TUSC3: variants seen among roughly 807,000 people sequenced by gnomAD.
TUSC3 encodes the protein tumor suppressor candidate 3, also known as dolichyl-diphosphooligosaccharide--protein glycosyltransferase subunit TUSC3.
Under a neutral mutation model 44.8 loss-of-function variants are expected in TUSC3, and 45 were observed. That is an observed-to-expected ratio of 1.00 (90% CI 0.79 to 1.29). The LOEUF (loss-of-function observed/expected upper bound fraction) is 1.29. TUSC3 is among the 50% of genes most tolerant of loss of function. The probability of loss-of-function intolerance (pLI) is 0.00; values close to 1 mark genes in which losing one functional copy is unlikely to be tolerated. For synonymous variants in TUSC3, 212 were observed against 152.9 expected (o/e 1.39, Z -2.85); for missense variants, 519 against 437.9 (o/e 1.19, Z -1.65).
chr8:15,829,806 T>G, the TUSC3 span, among the ~76,000 whole-genome samples: 1 of 152,162 alleles, frequency 6.6e-6, no homozygotes, highest in East Asian at 1.9e-4. Context: ...TTCCTTTGGG[T>G]AGATACCCAG....
At chr8:15,516,953 A>G (rs1801224268) in intron 2 of TUSC3, among the ~76,000 whole-genome samples, 1 of 152,194 alleles carries the variant, frequency 6.6e-6, no homozygotes. Flanking sequence ...TGAATTGAAT[A>G]CTGTGTAAAA....
chr8:15,449,350 G>C lies in TUSC3; in HGVS notation n.91+32045G>C, dbSNP rs187121062. Among the ~76,000 whole-genome samples the C allele has an allele frequency of 2.1e-3, 319 of 152,280 alleles. 2 individuals carry two copies. The highest frequency in any genetic ancestry group is 7.5e-3 in the African/African-American group (310 of 41,556). On this transcript the variant is annotated intron_variant and non_coding_transcript_variant, in intron 1 of 5. Coordinates refer to the TUSC3 transcript ENST00000503191. Reference sequence around the variant, plus strand: ...GGCCGTGTTAGCATGGCTCAAGCGTGGAGTTTTTTGACCCTCTGATGTCAA... The same window carrying C: ...GGCCGTGTTAGCATGGCTCAAGCGTCGAGTTTTTTGACCCTCTGATGTCAA...
intron 1 of TUSC3, among the ~76,000 whole-genome samples, chr8:15,611,965 TG>T (rs1804781439): frequency 6.6e-6 from 1 of 152,238 alleles, no homozygotes; most frequent in Admixed American, 6.5e-5. Flanking sequence ...GGGTTTTCAT[TG>T]AACTCCTTAA....
intron 2 of TUSC3, among the ~76,000 whole-genome samples, chr8:15,496,086 G>T (rs1262754446): frequency 1.3e-5 from 2 of 152,068 alleles, no homozygotes; most frequent in African/African-American, 4.8e-5. Context: ...ACTTTGTCCT[G>T]TAGAGGAAAG....
At chr8:15,720,201 T>TACACACACACACACACACACACAC (rs60082069) in intron 6 of TUSC3, among the ~76,000 whole-genome samples, 1 of 141,612 alleles carries the variant, frequency 7.1e-6, no homozygotes. Flanking sequence ...TATATATATA[T>TACACACACACACACACACACACAC]ACACACACAC....
At chr8:15,568,350 G>A (rs978978191) in intron 1 of TUSC3, among the ~76,000 whole-genome samples, 1 of 152,098 alleles carries the variant, frequency 6.6e-6, no homozygotes, top group African/African-American at 2.4e-5. Context: ...AAAAATTGTT[G>A]CCCTCAGGGA....
At chr8:15,592,585 C>T (rs73193370) in intron 1 of TUSC3, among the ~76,000 whole-genome samples, 38,604 of 152,050 alleles carry the variant, frequency 0.25, 5,018 homozygotes, top group East Asian at 0.47. Context: ...TACATTGGCT[C>T]CCCCTTTGTC....
chr8:15,665,671 T>C (rs573734240), intron 5 of TUSC3, among the ~76,000 whole-genome samples: 2 of 151,434 alleles, frequency 1.3e-5, no homozygotes, highest in South Asian at 4.1e-4. Flanking sequence ...TACTTTGCAA[T>C]ATATTTAAAC....
intron 1 of TUSC3, among the ~76,000 whole-genome samples, chr8:15,590,649 T>TTTA (rs1202032056): frequency 2.7e-5 from 4 of 150,032 alleles, no homozygotes; most frequent in African/African-American, 1.0e-4. Flanking sequence ...TATTTATTTA[T>TTTA]TTATTATTAT....
intron 2 of TUSC3, among the ~76,000 whole-genome samples, chr8:15,500,315 T>C (rs17577118): frequency 0.32 from 48,309 of 152,140 alleles, 8,274 homozygotes; most frequent in Admixed American, 0.46. Context: ...TAATGCAAGT[T>C]TATTGTTTTC....
At chr8:15,451,590 CT>C (rs1353246822) in intron 1 of TUSC3, among the ~76,000 whole-genome samples, 1 of 152,164 alleles carries the variant, frequency 6.6e-6, no homozygotes, top group Non-Finnish European at 1.5e-5. Flanking sequence ...TTCCCTATAC[CT>C]TGCCAAATGC....
intron 1 of TUSC3, among the ~76,000 whole-genome samples, chr8:15,606,397 T>C (rs1184911140): frequency 6.6e-6 from 1 of 152,080 alleles, no homozygotes; most frequent in African/African-American, 2.4e-5. Context: ...AGGCTTCTGG[T>C]CAGCAGTAAG....
At chr8:15,587,616 A>G (rs1425365778) in intron 1 of TUSC3, among the ~76,000 whole-genome samples, 4 of 152,082 alleles carry the variant, frequency 2.6e-5, no homozygotes, top group Admixed American at 2.0e-4. Context: ...ATATACAGTA[A>G]TTTATTGTTA....
At chr8:15,718,628 C>T (rs977791584) in intron 6 of TUSC3, among the ~76,000 whole-genome samples, 2 of 152,020 alleles carry the variant, frequency 1.3e-5, no homozygotes, top group African/African-American at 4.8e-5. Context: ...ACTTCATGGA[C>T]AAATAATGTC....
chr8:15,644,705 G>C (rs1806547485), intron 2 of TUSC3, among the ~76,000 whole-genome samples: 1 of 151,690 alleles, frequency 6.6e-6, no homozygotes, highest in South Asian at 2.1e-4. Context: ...TTTTTCTAAT[G>C]AATCTTTTGT....
intron 1 of TUSC3, among the ~76,000 whole-genome samples, chr8:15,437,999 C>G (rs1405008105): frequency 6.6e-6 from 1 of 152,188 alleles, no homozygotes; most frequent in African/African-American, 2.4e-5. Flanking sequence ...TAAGGTCTTT[C>G]TACTTCTTAC....
intron 2 of TUSC3, among the ~76,000 whole-genome samples, chr8:15,532,180 A>C (rs2129130823): frequency 6.6e-6 from 1 of 152,128 alleles, no homozygotes; most frequent in African/African-American, 2.4e-5. Context: ...CTTTTTACTT[A>C]CTTTTGCTGT....
chr8:15,662,079 T>C, intron 4 of TUSC3, 77 bp from the exon 5 acceptor site: 3 of 1,533,674 alleles, frequency 2.0e-6, no homozygotes, highest in Non-Finnish European at 2.7e-6. Flanking sequence ...GCGTTGAAAA[T>C]TATGAGGACT....
intron 6 of TUSC3, among the ~76,000 whole-genome samples, chr8:15,725,620 G>GATGATA (rs1267905069): frequency 6.6e-6 from 1 of 152,064 alleles, no homozygotes; most frequent in Non-Finnish European, 1.5e-5. Context: ...TGATGATGAT[G>GATGATA]ATGATGACGG....
Sources: allele counts gnomAD v4.1 joint callset (sites outside exome capture counted in the v4.1 genomes callset), GRCh38; gene constraint gnomAD v4.1.1; transcripts MANE v1.5; gene names NCBI Gene and HGNC (gene_info 2026-07-23, HGNC 2026-07-21).